Variants in RGS22 observed in about 807,000 individuals in gnomAD.
RGS22 encodes regulator of G-protein signaling 22.
RGS22 carries 148 observed loss-of-function variants against 172.9 expected under a neutral mutation model. The ratio of observed to expected loss-of-function variants is 0.86; its 90% confidence interval spans 0.75 to 0.98. The LOEUF (loss-of-function observed/expected upper bound fraction) is 0.98, where lower values mean the gene tolerates loss of function less well. Among genes scored for constraint, RGS22 ranks in the 50% least tolerant of loss-of-function variants. RGS22 has a pLI of 0.00. For missense variants in RGS22, 1,347 were observed against 1,440.8 expected (o/e 0.93, Z 1.05); for synonymous variants, 458 against 480.2 (o/e 0.95, Z 0.60).
At chr8:100,050,197 G>A (rs1419024378) in intron 10 of RGS22, among the ~76,000 whole-genome samples, 1 of 152,132 alleles carries the variant, frequency 6.6e-6, no homozygotes, top group African/African-American at 2.4e-5. Context: ...TAAAGCTTGA[G>A]AACCACCAGT....
chr8:100,081,032 C>A (rs546556989), intron 3 of RGS22, among the ~76,000 whole-genome samples: 1 of 152,178 alleles, frequency 6.6e-6, no homozygotes, highest in South Asian at 2.1e-4. Context: ...ATTTTTGGGG[C>A]CTCCACTTCC....
chr8:99,968,895 C>G (rs936456091), intron 23 of RGS22, among the ~76,000 whole-genome samples: 13 of 152,088 alleles, frequency 8.5e-5, no homozygotes, highest in Admixed American at 4.6e-4. Flanking sequence ...CTAAGATACT[C>G]CTCGAGAAGA....
chr8:100,082,782 T>A (rs139048477), intron 3 of RGS22, among the ~76,000 whole-genome samples: 1 of 152,308 alleles, frequency 6.6e-6, no homozygotes, highest in Non-Finnish European at 1.5e-5. Context: ...TAAGCAATAA[T>A]CCTATGAAGT....
intron 14 of RGS22, among the ~76,000 whole-genome samples, chr8:100,037,025 C>T (rs1819573125): frequency 6.6e-6 from 1 of 152,202 alleles, no homozygotes; most frequent in African/African-American, 2.4e-5. Flanking sequence ...AACAGCATTT[C>T]ATACCATAAA....
At chr8:100,057,383 G>A (rs1809725490) in intron 9 of RGS22, among the ~76,000 whole-genome samples, 1 of 152,178 alleles carries the variant, frequency 6.6e-6, no homozygotes. Context: ...GCACGATGGT[G>A]TTTTGAAATG....
chr8:100,001,874 C>T (rs1815127896), intron 18 of RGS22, among the ~76,000 whole-genome samples: 1 of 152,184 alleles, frequency 6.6e-6, no homozygotes, highest in Non-Finnish European at 1.5e-5. Context: ...CCATCTTCTT[C>T]ACCACTTTAT....
At chr8:99,986,571 T>A (rs1051756720) in intron 21 of RGS22, among the ~76,000 whole-genome samples, 19 of 152,244 alleles carry the variant, frequency 1.2e-4, no homozygotes, top group Admixed American at 7.2e-4. Context: ...CATTTCTTTA[T>A]TCAAGTCTAG....
intron 14 of RGS22, among the ~76,000 whole-genome samples, chr8:100,013,181 G>A (rs1264404227): frequency 6.6e-6 from 1 of 151,906 alleles, no homozygotes; most frequent in Admixed American, 6.6e-5. Context: ...AGTAGAGATG[G>A]GGTTTCACCA....
At chr8:99,970,730 GTAAT>G (rs1453286053) in intron 23 of RGS22, among the ~76,000 whole-genome samples, 1 of 152,134 alleles carries the variant, frequency 6.6e-6, no homozygotes, top group Non-Finnish European at 1.5e-5. Context: ...AATTGAGGCA[GTAAT>G]TAATCACCTA....
At chr8:100,045,165 T>C (rs948668997) in intron 11 of RGS22, among the ~76,000 whole-genome samples, 4 of 151,808 alleles carry the variant, frequency 2.6e-5, no homozygotes, top group Admixed American at 6.6e-5. Context: ...TCCTAGTTAC[T>C]TGGGAGGCTG....
chr8:99,977,985 C>T lies in RGS22; in HGVS notation c.3451G>A (p.Glu1151Lys). 1.9e-6 allele frequency: 3 copies of T among 1,553,784 alleles called. No individual in the cohort carries two copies. Among genetic ancestry groups the T allele is most frequent in the Non-Finnish European group, 2.6e-6 (3 of 1,158,560 alleles). ...TGCTTATTATATTCTTGTCTTCTCT[C>T]TAAAACACTCATAATATTTTCATCT... ...LTDENIMSVL[E>K]RRQEYNKQKK... Residue 1151 changes from glutamate to lysine, a missense_variant, in exon 23 of 28, where the codon GAG becomes AAG. Coordinates refer to ENST00000360863, the MANE Select transcript of RGS22 (RefSeq NM_015668.5).
intron 10 of RGS22, among the ~76,000 whole-genome samples, chr8:100,051,262 G>A (rs1821249143): frequency 6.6e-6 from 1 of 151,082 alleles, no homozygotes; most frequent in Non-Finnish European, 1.5e-5. Flanking sequence ...GTAAGCTAGA[G>A]TGGTAGGAAA....
Position 100,052,792 on chromosome 8 carries a change from T to C in RGS22, c.1689+10A>G, listed in dbSNP as rs750246138. The C allele has an allele frequency of 1.2e-6, 2 of 1,612,274 alleles. No homozygotes were observed. The highest frequency in any genetic ancestry group is 2.2e-5 in the South Asian group (2 of 91,016). On this transcript the variant is annotated intron_variant, in intron 10 of 27. Transcript: ENST00000360863. ...CTTAGTAGAGATCACAGCATGAATG[T>C]ACACCCTACCTGGATCTCAGGTATC... is the stretch of plus-strand genomic sequence containing the variant.
intron 23 of RGS22, among the ~76,000 whole-genome samples, chr8:99,967,045 G>A (rs1810814629): frequency 6.6e-6 from 1 of 152,188 alleles, no homozygotes; most frequent in Non-Finnish European, 1.5e-5. Flanking sequence ...ATTGGGACCA[G>A]TTAGACAGTG....
chr8:99,961,976 G>A (rs1810246478), intron 27 of RGS22, among the ~76,000 whole-genome samples: 1 of 152,092 alleles, frequency 6.6e-6, no homozygotes. Flanking sequence ...TACTTTGTAA[G>A]GCTTTGTTAA....
intron 14 of RGS22, among the ~76,000 whole-genome samples, chr8:100,034,149 C>G (rs1819172668): frequency 6.6e-6 from 1 of 152,110 alleles, no homozygotes; most frequent in African/African-American, 2.4e-5. Flanking sequence ...AAAGGGTATT[C>G]AAGTAGGAAA....
intron 17 of RGS22, among the ~76,000 whole-genome samples, 160 bp from the exon 18 acceptor site, chr8:100,002,524 T>C (rs1324195133): frequency 6.6e-6 from 1 of 152,196 alleles, no homozygotes; most frequent in Admixed American, 6.5e-5. Flanking sequence ...CTCTGATCCC[T>C]TTCTAGGCTA....
intron 14 of RGS22, among the ~76,000 whole-genome samples, chr8:100,034,591 TC>T (rs1819230475): frequency 6.6e-6 from 1 of 152,204 alleles, no homozygotes; most frequent in Admixed American, 6.5e-5. Flanking sequence ...CCAATGACTT[TC>T]TTCACAGAAT....
At chr8:100,045,667 A>C (rs531400506) in intron 11 of RGS22, among the ~76,000 whole-genome samples, 130 of 151,868 alleles carry the variant, frequency 8.6e-4, no homozygotes, top group African/African-American at 3.0e-3. Context: ...AAATTTAAAA[A>C]GCACATGAAT....
Sources: gnomAD v4.1 joint callset for allele counts (sites outside exome capture counted in the v4.1 genomes callset) on GRCh38, gnomAD v4.1.1 for gene constraint, MANE v1.5 for transcripts, NCBI Gene and HGNC (gene_info 2026-07-23, HGNC 2026-07-21) for gene names.